The following CD86 variants were observed in gnomAD, a reference collection of about 807,000 sequenced individuals.
CD86 encodes the protein T-lymphocyte activation antigen CD86.
Under a neutral mutation model 32.1 loss-of-function variants are expected in CD86, and 11 were observed. The observed-to-expected ratio is 0.34, with a 90% CI of 0.22 to 0.57. The LOEUF is 0.57. Ranked by LOEUF, CD86 falls within the 20% of genes least tolerant of loss-of-function variation. The pLI is 0.86. For synonymous variants in CD86, 137 were observed against 135.3 expected (o/e 1.01, Z -0.09); for missense variants, 359 against 398.4 (o/e 0.90, Z 0.84).
intron 4 of CD86, among the ~76,000 whole-genome samples, chr3:122,108,384 T>A (rs1254092203): frequency 2.0e-5 from 3 of 152,168 alleles, no homozygotes; most frequent in Non-Finnish European, 4.4e-5. Context: ...TGGAATAGAC[T>A]GGGACAGACT....
chr3:122,099,807 A>G (rs1453472809), intron 2 of CD86, among the ~76,000 whole-genome samples: 5 of 152,226 alleles, frequency 3.3e-5, no homozygotes, highest in Admixed American at 1.3e-4. Flanking sequence ...CAATTGCTCA[A>G]TAGCCACAGG....
chr3:122,077,542 TGAA>T (rs5852289), intron 1 of CD86, among the ~76,000 whole-genome samples: 80,085 of 151,758 alleles, frequency 0.53, 22,145 homozygotes, highest in Admixed American at 0.67. Context: ...GGCTGTCTTC[TGAA>T]GCCCCGTGGA....
At chr3:122,056,138 T>C (rs2072230676) in intron 1 of CD86, among the ~76,000 whole-genome samples, 1 of 152,160 alleles carries the variant, frequency 6.6e-6, no homozygotes, top group Non-Finnish European at 1.5e-5. Context: ...ATCATTCTTT[T>C]TGACAGATGG....
At chr3:122,093,134 A>G (rs1043687721) in intron 2 of CD86, among the ~76,000 whole-genome samples, 9 of 152,068 alleles carry the variant, frequency 5.9e-5, no homozygotes, top group Non-Finnish European at 8.8e-5. Context: ...TTCCCTTCTC[A>G]TCCCACTTCT....
chr3:122,096,373 T>C (rs2072908107), intron 2 of CD86, among the ~76,000 whole-genome samples: 1 of 152,184 alleles, frequency 6.6e-6, no homozygotes, highest in Admixed American at 6.5e-5. Flanking sequence ...TCTATTTTTA[T>C]GTTTTATAAT....
chr3:122,095,247 C>T (rs1415661149), intron 2 of CD86, among the ~76,000 whole-genome samples: 1 of 150,946 alleles, frequency 6.6e-6, no homozygotes, highest in African/African-American at 2.4e-5. Context: ...TCTTGGCTCA[C>T]GGCAACCCCC....
At chr3:122,064,330 TAGG>T in intron 1 of CD86, among the ~76,000 whole-genome samples, 1 of 152,044 alleles carries the variant, frequency 6.6e-6, no homozygotes, top group Admixed American at 6.5e-5. Context: ...ATTATGGAAA[TAGG>T]GTTATTTCTT....
At chr3:122,078,112 C>T in intron 1 of CD86, 11 of 933,570 alleles carry the variant, frequency 1.2e-5, no homozygotes, top group Non-Finnish European at 1.4e-5. Flanking sequence ...GCATCTGGGG[C>T]AGAAATGCTG....
chr3:122,113,100 A>G (rs2073200052), intron 5 of CD86, among the ~76,000 whole-genome samples: 1 of 152,190 alleles, frequency 6.6e-6, no homozygotes, highest in East Asian at 1.9e-4. Flanking sequence ...AAAACATACA[A>G]TATTTGTTTC....
At chr3:122,085,011 T>G (rs1181106533) in intron 1 of CD86, among the ~76,000 whole-genome samples, 1 of 152,240 alleles carries the variant, frequency 6.6e-6, no homozygotes, top group African/African-American at 2.4e-5. Flanking sequence ...TCTGTATGAT[T>G]ACTTGATCAC....
At chr3:122,066,291 A>G (rs1438086922) in intron 1 of CD86, among the ~76,000 whole-genome samples, 1 of 152,272 alleles carries the variant, frequency 6.6e-6, no homozygotes, top group Admixed American at 6.5e-5. Context: ...GAGGGTAAGG[A>G]ATACGAGAGT....
rs2072819194 is a variant in CD86 at position 122,091,480 on chromosome 3, T to C, written c.15-121T>C. 5 of 763,246 alleles carry C rather than the reference T, an allele frequency of 6.6e-6. No individual in the cohort carries two copies. In the Admixed American group the frequency reaches 7.8e-5, roughly 12 times the overall value. The allele number at this position is 763,246 out of a possible 1,614,324, so 47.3% of individuals were successfully genotyped here. ...TGGCTTTGATGAAGCCCTGGCATTG[T>C]CTCTGCACACCCGAGAACCCAAGTG... On this transcript the variant is annotated intron_variant, in intron 1 of 6. Coordinates refer to ENST00000330540, the MANE Select transcript of CD86 (RefSeq NM_175862.5).
intron 1 of CD86, among the ~76,000 whole-genome samples, chr3:122,065,293 A>G (rs1576757756): frequency 2.0e-5 from 3 of 152,210 alleles, no homozygotes; most frequent in South Asian, 2.1e-4. Context: ...GCCATGTCCA[A>G]AACAATTTTT....
intron 1 of CD86, among the ~76,000 whole-genome samples, chr3:122,065,561 A>G (rs2072400952): frequency 6.6e-6 from 1 of 152,216 alleles, no homozygotes; most frequent in Admixed American, 6.5e-5. Flanking sequence ...GAGGCTGCCC[A>G]GCTTCCAATG....
intron 2 of CD86, among the ~76,000 whole-genome samples, chr3:122,097,271 G>A (rs765095844): frequency 5.3e-5 from 8 of 152,124 alleles, no homozygotes; most frequent in Non-Finnish European, 2.9e-5. Context: ...GACAATTGCA[G>A]GTACTGGAAA....
chr3:122,094,741 T>G (rs2072879906), intron 2 of CD86, among the ~76,000 whole-genome samples: 1 of 152,262 alleles, frequency 6.6e-6, no homozygotes, highest in South Asian at 2.1e-4. Context: ...CCCTATATTT[T>G]GTGTCCTCTG....
chr3:122,082,294 G>A (rs2072645337), intron 1 of CD86, among the ~76,000 whole-genome samples: 1 of 152,118 alleles, frequency 6.6e-6, no homozygotes, highest in Non-Finnish European at 1.5e-5. Context: ...GGAACTACTT[G>A]CCCTTCAGCA....
intron 1 of CD86, among the ~76,000 whole-genome samples, chr3:122,061,747 T>C (rs1039031996): frequency 2.0e-5 from 3 of 152,196 alleles, no homozygotes; most frequent in Non-Finnish European, 4.4e-5. Context: ...TTGTTGGGAA[T>C]GTACAATGGT....
chr3:122,118,011 G>T (rs776452064), intron 5 of CD86, 37 bp from the exon 6 acceptor site: 3 of 1,580,082 alleles, frequency 1.9e-6, no homozygotes, highest in South Asian at 1.1e-5. Context: ...TATCTAGGAG[G>T]AATACATTTT....
Sources: gnomAD v4.1 joint callset for allele counts (sites outside exome capture counted in the v4.1 genomes callset) on GRCh38, gnomAD v4.1.1 for gene constraint, MANE v1.5 for transcripts, NCBI Gene and HGNC (gene_info 2026-07-23, HGNC 2026-07-21) for gene names.